The following FARS2 variants were observed in gnomAD, a reference collection of about 807,000 sequenced individuals.
FARS2 encodes the protein phenylalanine--tRNA ligase, mitochondrial.
A neutral mutation model predicts 46.4 loss-of-function variants in FARS2; 40 were observed. That is an observed-to-expected ratio of 0.86 (90% CI 0.67 to 1.12). The LOEUF (loss-of-function observed/expected upper bound fraction) is 1.12, where lower values mean the gene tolerates loss of function less well. FARS2 is among the 50% of genes most tolerant of loss of function. FARS2 has a pLI of 0.00. For synonymous variants in FARS2, 234 were observed against 214.9 expected, an observed-to-expected ratio of 1.09 and a Z score of -0.78; for missense variants, 513 against 567.9, an observed-to-expected ratio of 0.90 and a Z score of 0.98.
chr6:5,738,651 A>C (rs1761101557), intron 6 of FARS2, among the ~76,000 whole-genome samples: 1 of 152,190 alleles, frequency 6.6e-6, no homozygotes, highest in Admixed American at 6.5e-5. Flanking sequence ...ATTTCTGTAA[A>C]ATGTTTTTAT....
intron 6 of FARS2, among the ~76,000 whole-genome samples, chr6:5,666,114 T>C (rs1445408726): frequency 6.6e-6 from 1 of 152,182 alleles, no homozygotes; most frequent in Non-Finnish European, 1.5e-5. Flanking sequence ...TATTTATTGG[T>C]TCATTGAACT....
chr6:5,290,822 T>TCCACCTC (rs1312000229), intron 1 of FARS2, among the ~76,000 whole-genome samples: 3 of 152,176 alleles, frequency 2.0e-5, no homozygotes, highest in Non-Finnish European at 4.4e-5. Flanking sequence ...CTTCCAGCCT[T>TCCACCTC]CCACCTCCCA....
chr6:5,738,948 A>G (rs2150948578), intron 6 of FARS2, among the ~76,000 whole-genome samples: 1 of 152,314 alleles, frequency 6.6e-6, no homozygotes, highest in East Asian at 1.9e-4. Flanking sequence ...ATGACTCGTT[A>G]GAACAGGCAT....
chr6:5,458,827 G>A (rs978459543), intron 4 of FARS2, among the ~76,000 whole-genome samples: 1 of 152,184 alleles, frequency 6.6e-6, no homozygotes, highest in Non-Finnish European at 1.5e-5. Flanking sequence ...TTGATTGCAG[G>A]AAGAATGAAA....
intron 1 of FARS2, among the ~76,000 whole-genome samples, chr6:5,328,259 T>C (rs1770537069): frequency 6.6e-6 from 1 of 152,224 alleles, no homozygotes; most frequent in Non-Finnish European, 1.5e-5. Context: ...CCTCCTTGTT[T>C]ACCCTTACCC....
intron 6 of FARS2, among the ~76,000 whole-genome samples, chr6:5,684,518 T>C (rs1479182254): frequency 3.3e-5 from 5 of 152,224 alleles, no homozygotes; most frequent in Non-Finnish European, 2.9e-5. Flanking sequence ...TGTTAGCAAA[T>C]GCTGCGCTTT....
chr6:5,406,494 G>C (rs1447426915), intron 3 of FARS2, among the ~76,000 whole-genome samples: 2 of 152,052 alleles, frequency 1.3e-5, no homozygotes, highest in Admixed American at 6.6e-5. Context: ...CCATTAATCA[G>C]TTTGCATTTT....
At chr6:5,705,751 C>T (rs568275412) in intron 6 of FARS2, among the ~76,000 whole-genome samples, 53 of 152,316 alleles carry the variant, frequency 3.5e-4, no homozygotes, top group African/African-American at 1.3e-3. Flanking sequence ...CACCTCCATG[C>T]ACCCATCCCT....
intron 1 of FARS2, among the ~76,000 whole-genome samples, chr6:5,278,653 G>A (rs1439768932): frequency 6.6e-6 from 1 of 151,972 alleles, no homozygotes; most frequent in Non-Finnish European, 1.5e-5. Flanking sequence ...AGTTAGCAAT[G>A]GTCTTTTCTT....
At chr6:5,732,006 C>T (rs550039996) in intron 6 of FARS2, among the ~76,000 whole-genome samples, 3 of 152,324 alleles carry the variant, frequency 2.0e-5, no homozygotes, top group South Asian at 4.1e-4. Flanking sequence ...CTCCTGTGCT[C>T]CTCCTCAGGG....
chr6:5,608,746 T>C (rs1774994782), intron 5 of FARS2, among the ~76,000 whole-genome samples: 1 of 152,180 alleles, frequency 6.6e-6, no homozygotes, highest in South Asian at 2.1e-4. Context: ...CCAAGGTTTC[T>C]GAAGACAATG....
chr6:5,359,940 C>T (rs1365447051), intron 1 of FARS2, among the ~76,000 whole-genome samples: 1 of 152,164 alleles, frequency 6.6e-6, no homozygotes, highest in South Asian at 2.1e-4. Flanking sequence ...GATGAACCAC[C>T]ACAGAAAAGA....
chr6:5,392,928 ATATG>A (rs781438618), intron 2 of FARS2, among the ~76,000 whole-genome samples: 85 of 81,670 alleles, frequency 1.0e-3, no homozygotes, highest in Admixed American at 1.5e-3. Context: ...ATATATACAT[ATATG>A]TGTGTGTGTA....
intron 5 of FARS2, among the ~76,000 whole-genome samples, chr6:5,585,055 T>A (rs1402296576): frequency 6.6e-6 from 1 of 152,178 alleles, no homozygotes; most frequent in African/African-American, 2.4e-5. Flanking sequence ...TAAAGCTCTT[T>A]AAGATTCATA....
At chr6:5,304,470 C>T (rs1768553779) in intron 1 of FARS2, among the ~76,000 whole-genome samples, 1 of 152,174 alleles carries the variant, frequency 6.6e-6, no homozygotes, top group Non-Finnish European at 1.5e-5. Context: ...CATGGCATTA[C>T]TGGGTCAAAG....
At chr6:5,541,282 G>A (rs1009542251) in intron 4 of FARS2, among the ~76,000 whole-genome samples, 3 of 152,264 alleles carry the variant, frequency 2.0e-5, no homozygotes, top group South Asian at 4.1e-4. Context: ...AATTTGACTT[G>A]GTACTGCCGT....
intron 3 of FARS2, among the ~76,000 whole-genome samples, chr6:5,412,956 T>C (rs879537103): frequency 6.6e-6 from 1 of 152,200 alleles, no homozygotes; most frequent in Admixed American, 6.5e-5. Context: ...CTTCAACCTC[T>C]GAGACTTGGG....
At chr6:5,623,116 T>G (rs1483164274) in intron 6 of FARS2, among the ~76,000 whole-genome samples, 1 of 152,214 alleles carries the variant, frequency 6.6e-6, no homozygotes, top group Non-Finnish European at 1.5e-5. Context: ...AGTAATGTCA[T>G]CCATAAATGG....
rs1561969720 is a variant in FARS2, at chr6:5,341,210, TATATATATATATATATATA to T, written c.-21-27339_-21-27321del. On this transcript the variant is annotated intron_variant, in intron 1 of 6. Transcript: ENST00000274680. ...GGAGATATATATATATATATATATA[TATATATATATATATATATA>T]TATATATTTTTTTTTTTTTTTTTTT... is the stretch of plus-strand genomic sequence containing the variant. Among the ~76,000 whole-genome samples, 22 of 4,998 alleles carry T rather than the reference TATATATATATATATATATA, an allele frequency of 4.4e-3. 1 individual carries two copies. The highest frequency in any genetic ancestry group is 6.7e-3 in the South Asian group (1 of 150). The allele number at this position is 4,998 out of a possible 152,430, so 3.3% of individuals were successfully genotyped here. A position where few individuals can be genotyped will look rare whatever the true frequency, so the allele number is the denominator to read the frequency against.
Sources: allele counts gnomAD v4.1 joint callset (sites outside exome capture counted in the v4.1 genomes callset), GRCh38; gene constraint gnomAD v4.1.1; transcripts MANE v1.5; gene names NCBI Gene and HGNC (gene_info 2026-07-23, HGNC 2026-07-21).